Variants in TENT5C observed in about 807,000 individuals in gnomAD.
The protein encoded by TENT5C is family with sequence similarity 46 member C.
TENT5C carries 5 observed loss-of-function variants against 22.2 expected under a neutral mutation model. The ratio of observed to expected loss-of-function variants is 0.22; its 90% CI spans 0.12 to 0.47. TENT5C has a LOEUF of 0.47. Ranked by LOEUF, TENT5C falls within the 20% of genes least tolerant of loss-of-function variation. TENT5C has a pLI of 0.99. For missense variants in TENT5C, 364 were observed against 500.9 expected (o/e 0.73, Z 2.61); for synonymous variants, 199 against 195.4 (o/e 1.02, Z -0.15).
In TENT5C at chr1:117,623,967, A is replaced by G. The variant is rs1653954688; in HGVS notation, c.1099A>G (p.Asn367Asp). The stretch of plus-strand genomic sequence containing the variant: ...GCCGGCCCCTTACGTCAGTGATGGC[A>G]ACTTCAGCAACTACTACGTTGCCCA... ...YQPAPYVSDGNFSNYYVAHPP... is the reference protein window; with the variant it reads ...YQPAPYVSDGDFSNYYVAHPP... Residue 367 changes from asparagine to aspartate, a missense_variant, in exon 2 of 2, where the codon AAC (asparagine) becomes GAC (aspartate). This residue lies in a region of TENT5C where 54 missense variants were observed against 76.5 expected (regional missense o/e 0.71). Transcript: ENST00000369448. 4 of 1,613,832 alleles carry G rather than the reference A, an allele frequency of 2.5e-6. No homozygotes were observed. The highest frequency in any genetic ancestry group is 1.7e-6 in the Non-Finnish European group (2 of 1,179,998).
chr1:117,617,690 A>G (rs889626974), intron 1 of TENT5C, among the ~76,000 whole-genome samples: 1 of 152,224 alleles, frequency 6.6e-6, no homozygotes, highest in African/African-American at 2.4e-5. Context: ...GCCTTTAACC[A>G]GGGCCTTTCA....
chr1:117,623,473 T>C lies in TENT5C; in HGVS notation c.605T>C (p.Ile202Thr). 1 of 1,614,056 alleles carries C rather than the reference T, an allele frequency of 6.2e-7. No individual in the cohort carries two copies. Among genetic ancestry groups the C allele is most frequent in the Non-Finnish European group, 8.5e-7 (1 of 1,180,012 alleles). Reference sequence around the variant, plus strand: ...TTCTATGACTGTTCCAATAATCCCATCTCTGAGCACTTCCACCCCACCGTG... The same window carrying C: ...TTCTATGACTGTTCCAATAATCCCACCTCTGAGCACTTCCACCCCACCGTG... The part of the protein sequence containing the change: ...LFFYDCSNNP[I>T]SEHFHPTVIG... The change falls in exon 2 of 2, where the codon ATC (isoleucine) becomes ACC (threonine). Residue 202 changes from isoleucine to threonine, a missense_variant. Around this residue, in one of 3 missense-constraint regions of TENT5C, gnomAD observed 303 missense variants for 394.5 expected, o/e 0.77. Transcript: ENST00000369448.
At chr1:117,611,420 C>T (rs1354598429) in intron 1 of TENT5C, among the ~76,000 whole-genome samples, 2 of 152,328 alleles carry the variant, frequency 1.3e-5, no homozygotes, top group Middle Eastern at 6.8e-3. Context: ...CTGGTCCTGG[C>T]AGAGCCTTTA....
chr1:117,615,959 C>G (rs1343436454), intron 1 of TENT5C, among the ~76,000 whole-genome samples: 2 of 152,282 alleles, frequency 1.3e-5, no homozygotes, highest in East Asian at 3.9e-4. Flanking sequence ...GGACCAATAA[C>G]GTCTGTTTTA....
At chr1:117,606,742 C>G (rs1570853292) in intron 1 of TENT5C, among the ~76,000 whole-genome samples, 1 of 152,178 alleles carries the variant, frequency 6.6e-6, no homozygotes, top group African/African-American at 2.4e-5. Flanking sequence ...GGGGCGCTTC[C>G]TAGGCTCATT....
intron 1 of TENT5C, among the ~76,000 whole-genome samples, chr1:117,613,430 C>T (rs980418482): frequency 6.6e-6 from 1 of 152,208 alleles, no homozygotes; most frequent in Non-Finnish European, 1.5e-5. Flanking sequence ...GTTCTTCCAG[C>T]GTTATCTCTC....
At position 117,624,179 on chromosome 1, in the gene TENT5C, T is replaced by TTC; in HGVS notation, c.*136_*137dup. Reference sequence around the variant, plus strand: ...TCTGATTCTGCTTTTTTTTTTTTTTTTCCTTTGTGTACCCATTGGAATGGG... The same window carrying TTC: ...TCTGATTCTGCTTTTTTTTTTTTTTTTCTCCTTTGTGTACCCATTGGAATGGG... On this transcript the variant is annotated 3_prime_UTR_variant, in exon 2 of 2. Coordinates refer to ENST00000369448, the MANE Select transcript of TENT5C (RefSeq NM_017709.4). 3 of 776,082 alleles carry TTC rather than the reference T, an allele frequency of 3.9e-6. No individual in the cohort carries two copies. Among genetic ancestry groups the TTC allele is most frequent in the South Asian group, 1.9e-5 (1 of 51,824 alleles). 48.1% of individuals were successfully genotyped at this position (776,082 alleles called of 1,614,324 possible).
chr1:117,619,959 C>T (rs1653859653), intron 1 of TENT5C, among the ~76,000 whole-genome samples: 1 of 152,142 alleles, frequency 6.6e-6, no homozygotes. Context: ...CTATTTTTCA[C>T]AATGTTTTCT....
intron 1 of TENT5C, among the ~76,000 whole-genome samples, chr1:117,613,608 A>G (rs1269875705): frequency 6.6e-6 from 1 of 152,226 alleles, no homozygotes; most frequent in African/African-American, 2.4e-5. Context: ...CCCCTTAAAC[A>G]GCGGAGATCA....
rs1205088445 is a variant in TENT5C, at chr1:117,627,748, A to T, written c.*3704A>T. The T allele has an allele frequency of 2.4e-5, 6 of 247,378 alleles. No homozygotes were observed. The highest frequency in any genetic ancestry group is 4.2e-5 in the Non-Finnish European group (5 of 117,952). The allele number at this position is 247,378 out of a possible 1,614,324, so 15.3% of individuals were successfully genotyped here. A position where few individuals can be genotyped will look rare whatever the true frequency, so the allele number is the denominator to read the frequency against. On this transcript the variant is annotated 3_prime_UTR_variant, in exon 2 of 2. Transcript: ENST00000369448. ...AAATCAGAGGACCAAGTCGTGGGGGAGGGGGGCGGTGTTGAGGAGAGGTAT... is the reference window on the plus strand; with the variant it reads ...AAATCAGAGGACCAAGTCGTGGGGGTGGGGGGCGGTGTTGAGGAGAGGTAT...
rs148100732 is a variant in TENT5C, at chr1:117,615,685, T to C, written c.-27-7157T>C. ...TGTGGGCAGAAGCAGACGTTTATGTTATGAAACAATGTGCTCCCCCGCTGA... is the reference window on the plus strand; with the variant it reads ...TGTGGGCAGAAGCAGACGTTTATGTCATGAAACAATGTGCTCCCCCGCTGA... On this transcript the variant is annotated intron_variant, in intron 1 of 1. Coordinates refer to ENST00000369448, the MANE Select transcript of TENT5C (RefSeq NM_017709.4). Among the ~76,000 whole-genome samples the C allele has an allele frequency of 3.3e-4, 51 of 152,324 alleles. 2 individuals carry two copies. Among genetic ancestry groups the C allele is most frequent in the Middle Eastern group, 6.8e-3 (2 of 294 alleles).
Position 117,627,762 on chromosome 1 carries a change from G to A in TENT5C, c.*3718G>A. The A allele has an allele frequency of 4.0e-6, 1 of 248,014 alleles. No individual in the cohort carries two copies. Among genetic ancestry groups the A allele is most frequent in the South Asian group, 1.8e-4 (1 of 5,512 alleles). The allele number at this position is 248,014 out of a possible 1,614,324, so 15.4% of individuals were successfully genotyped here. On this transcript the variant is annotated 3_prime_UTR_variant, in exon 2 of 2. Transcript: ENST00000369448. ...AGTCGTGGGGGAGGGGGGCGGTGTT[G>A]AGGAGAGGTATTTTTAAAGATCTGG...
At chr1:117,617,009 A>G (rs1232594817) in intron 1 of TENT5C, among the ~76,000 whole-genome samples, 1 of 152,188 alleles carries the variant, frequency 6.6e-6, no homozygotes, top group Non-Finnish European at 1.5e-5. Context: ...CAGGCACAAA[A>G]TAAGAATTAA....
chr1:117,612,228 A>G (rs568419372), intron 1 of TENT5C, among the ~76,000 whole-genome samples: 1 of 152,340 alleles, frequency 6.6e-6, no homozygotes, highest in South Asian at 2.1e-4. Flanking sequence ...GTAGGCATGC[A>G]CATTTTTGAA....
In TENT5C at chr1:117,627,794, T is replaced by C. The variant is rs76605699; in HGVS notation, c.*3750T>C. On this transcript the variant is annotated 3_prime_UTR_variant, in exon 2 of 2. Coordinates refer to ENST00000369448, the MANE Select transcript of TENT5C (RefSeq NM_017709.4). ...GGTATTTTTAAAGATCTGGCAACTT[T>C]TCAGGATTATTTGTGGAGAACTCTA... 7.7e-4 allele frequency: 190 copies of C among 248,066 alleles called. 2 individuals are homozygous for C. The East Asian group carries it at 0.011, about 14-fold the overall frequency. 15.4% of individuals were successfully genotyped at this position (248,066 alleles called of 1,614,324 possible). A position where few individuals can be genotyped will look rare whatever the true frequency, so the allele number is the denominator to read the frequency against.
intron 1 of TENT5C, among the ~76,000 whole-genome samples, chr1:117,621,727 C>T (rs1653898443): frequency 6.6e-6 from 1 of 152,202 alleles, no homozygotes; most frequent in South Asian, 2.1e-4. Flanking sequence ...AATCTGAGGA[C>T]AGCGCCTTGA....
chr1:117,621,317 C>T (rs544981748), intron 1 of TENT5C, among the ~76,000 whole-genome samples: 14 of 152,286 alleles, frequency 9.2e-5, no homozygotes, highest in African/African-American at 3.1e-4. Flanking sequence ...CTTGTGTCCC[C>T]TCTCCATAAG....
chr1:117,614,631 C>T (rs556188113), intron 1 of TENT5C, among the ~76,000 whole-genome samples: 1 of 152,194 alleles, frequency 6.6e-6, no homozygotes, highest in Non-Finnish European at 1.5e-5. Context: ...GTTGCCGTCT[C>T]GACTGTAGCT....
In TENT5C at chr1:117,626,384, G is replaced by T. The variant is rs1654013975; in HGVS notation, c.*2340G>T. The T allele has an allele frequency of 4.0e-6, 1 of 247,794 alleles. No homozygotes were observed. The highest frequency in any genetic ancestry group is 8.5e-6 in the Non-Finnish European group (1 of 118,024). The allele number at this position is 247,794 out of a possible 1,614,324, so 15.3% of individuals were successfully genotyped here. A position where few individuals can be genotyped will look rare whatever the true frequency, so the allele number is the denominator to read the frequency against. On this transcript the variant is annotated 3_prime_UTR_variant, in exon 2 of 2. Coordinates refer to ENST00000369448, the MANE Select transcript of TENT5C (RefSeq NM_017709.4). ...CCAGTCCCCAGTCTTTGCCACCATT[G>T]CACCATGGTTGTCTCGGAGTCCCTT...
Sources: gnomAD v4.1 joint callset for allele counts (sites outside exome capture counted in the v4.1 genomes callset) on GRCh38, gnomAD v4.1.1 for gene constraint, gnomAD v4.1.1 regional missense constraint, MANE v1.5 for transcripts, NCBI Gene and HGNC (gene_info 2026-07-23, HGNC 2026-07-21) for gene names.